TRPM3: variants seen among roughly 807,000 people sequenced by gnomAD.
TRPM3 encodes transient receptor potential cation channel subfamily M member 3, also known as long transient receptor potential channel 3.
In TRPM3, 77 loss-of-function variants were observed where a neutral mutation model predicts 181.2. The ratio of observed to expected loss-of-function variants is 0.42; its 90% CI spans 0.35 to 0.51. TRPM3 has a LOEUF of 0.51. Ranked by LOEUF, TRPM3 falls within the 20% of genes least tolerant of loss-of-function variation. The pLI is 0.01. For synonymous variants in TRPM3, 745 were observed against 796.4 expected (o/e 0.94, Z 1.09); for missense variants, 1,759 against 2,196.7 (o/e 0.80, Z 3.98).
At chr9:70,888,877 C>T (rs747413441) in intron 1 of TRPM3, among the ~76,000 whole-genome samples, 2 of 152,088 alleles carry the variant, frequency 1.3e-5, no homozygotes, top group African/African-American at 2.4e-5. Context: ...GCATTTATCT[C>T]GATTTCTCTC....
At chr9:71,024,276 TACC>T (rs2097872269) in intron 1 of TRPM3, among the ~76,000 whole-genome samples, 1 of 152,180 alleles carries the variant, frequency 6.6e-6, no homozygotes, top group Admixed American at 6.5e-5. Context: ...CACCTAGGCA[TACC>T]CATTGGGACA....
At position 70,701,107 on chromosome 9, in the gene TRPM3, G is replaced by C. The variant is rs564981028; in HGVS notation, c.1273-19529C>G. ...AATGAAGTGCTCTATAAATTTTCTAGTCAAGTATGGGTTATCCATTAATGC... is the reference window on the plus strand; with the variant it reads ...AATGAAGTGCTCTATAAATTTTCTACTCAAGTATGGGTTATCCATTAATGC... On this transcript the variant is annotated intron_variant, in intron 8 of 25. Coordinates refer to ENST00000677713, the MANE Select transcript of TRPM3 (RefSeq NM_001366145.2). Among the ~76,000 whole-genome samples, 3 of 152,246 alleles carry C rather than the reference G, an allele frequency of 2.0e-5. No individual in the cohort carries two copies. The South Asian group carries it at 6.2e-4, about 32-fold the overall frequency.
chr9:71,422,551 T>A (rs1221221140), intron 1 of TRPM3, among the ~76,000 whole-genome samples: 3 of 152,054 alleles, frequency 2.0e-5, no homozygotes, highest in Non-Finnish European at 1.5e-5. Context: ...TTTTACGAAA[T>A]GTAGTTTGAA....
rs538334180 is a variant in TRPM3, at chr9:70,681,668, T to C, written c.1273-90A>G. 4.4e-5 allele frequency: 47 copies of C among 1,071,126 alleles called. 1 individual carries two copies. In the African/African-American group the frequency reaches 7.0e-4, roughly 16 times the overall value. 66.4% of individuals were successfully genotyped at this position (1,071,126 alleles called of 1,614,324 possible). ...AGACCACATCTGAGCAGAGACTATC[T>C]CTATATCTACAAAGTAGATTCTTAA... is the stretch of plus-strand genomic sequence containing the variant. On this transcript the variant is annotated intron_variant, in intron 8 of 25. Coordinates refer to ENST00000677713, the MANE Select transcript of TRPM3 (RefSeq NM_001366145.2).
At chr9:70,648,106 A>T (rs984977714) in intron 9 of TRPM3, among the ~76,000 whole-genome samples, 1 of 152,232 alleles carries the variant, frequency 6.6e-6, no homozygotes, top group South Asian at 2.1e-4. Flanking sequence ...TATTGTTAAA[A>T]TGGCCATACT....
At chr9:71,291,803 AGT>A (rs1310845089) in intron 1 of TRPM3, among the ~76,000 whole-genome samples, 1 of 152,146 alleles carries the variant, frequency 6.6e-6, no homozygotes, top group Non-Finnish European at 1.5e-5. Context: ...AAACGACTTG[AGT>A]AACAGAATCA....
chr9:70,829,217 T>A (rs10868897), intron 5 of TRPM3, among the ~76,000 whole-genome samples: 41,577 of 152,080 alleles, frequency 0.27, 6,291 homozygotes, highest in Non-Finnish European at 0.33. Context: ...ACACACTATA[T>A]AAAGCTGTAG....
chr9:70,945,250 A>G (rs944787677), intron 1 of TRPM3, among the ~76,000 whole-genome samples: 3 of 152,080 alleles, frequency 2.0e-5, no homozygotes, highest in Non-Finnish European at 2.9e-5. Flanking sequence ...TTGTCTTATT[A>G]CCTTTTCGTA....
intron 1 of TRPM3, among the ~76,000 whole-genome samples, chr9:71,350,859 C>T (rs2091584469): frequency 6.6e-6 from 1 of 152,052 alleles, no homozygotes; most frequent in African/African-American, 2.4e-5. Context: ...TTTGAAAGAT[C>T]AATGGTAACT....
chr9:70,769,166 T>C (rs893754941), intron 7 of TRPM3, among the ~76,000 whole-genome samples: 2 of 152,154 alleles, frequency 1.3e-5, no homozygotes, highest in African/African-American at 4.8e-5. Context: ...CAAGATAACA[T>C]CTCTACTTGC....
At chr9:71,228,434 T>C in intron 1 of TRPM3, among the ~76,000 whole-genome samples, 1 of 152,130 alleles carries the variant, frequency 6.6e-6, no homozygotes, top group Non-Finnish European at 1.5e-5. Flanking sequence ...ATGTCCACTT[T>C]CACCACTGTT....
At chr9:71,224,221 A>G (rs112521560) in intron 1 of TRPM3, among the ~76,000 whole-genome samples, 16 of 152,348 alleles carry the variant, frequency 1.1e-4, no homozygotes, top group African/African-American at 3.8e-4. Flanking sequence ...GTTTGAGAGA[A>G]AGTAAGGGAA....
rs116430058 is a variant in TRPM3 at position 71,158,093 on chromosome 9, C to T, written c.183+288560G>A. On this transcript the variant is annotated intron_variant, in intron 1 of 24. Coordinates refer to the TRPM3 transcript ENST00000357533. The stretch of plus-strand genomic sequence containing the variant: ...ATTACATGCAATCTTAAAGTTGTGA[C>T]ATAGCTTAGACTATTAATCTTTGAT... 2.4e-3 allele frequency among the ~76,000 whole-genome samples: 362 copies of T among 152,204 alleles called. 3 individuals carry two copies. The highest frequency in any genetic ancestry group is 8.4e-3 in the African/African-American group (348 of 41,540).
intron 1 of TRPM3, among the ~76,000 whole-genome samples, chr9:71,261,519 C>T (rs902234175): frequency 2.1e-4 from 32 of 152,302 alleles, no homozygotes; most frequent in Admixed American, 1.8e-3. Flanking sequence ...ATTCGTCAAA[C>T]TATTTCTCCA....
At chr9:71,354,081 T>C (rs2091788118) in intron 1 of TRPM3, among the ~76,000 whole-genome samples, 2 of 152,292 alleles carry the variant, frequency 1.3e-5, no homozygotes, top group South Asian at 4.1e-4. Flanking sequence ...TCTCTGTTAT[T>C]TCCGTATGCT....
intron 1 of TRPM3, among the ~76,000 whole-genome samples, chr9:70,892,281 T>A (rs1249126449): frequency 6.6e-6 from 1 of 152,038 alleles, no homozygotes; most frequent in African/African-American, 2.4e-5. Flanking sequence ...ATATGTAATA[T>A]CATTCAGAAA....
chr9:71,032,408 G>A (rs2134708455), intron 1 of TRPM3, among the ~76,000 whole-genome samples: 1 of 151,196 alleles, frequency 6.6e-6, no homozygotes, highest in Admixed American at 6.6e-5. Flanking sequence ...ACCTGAAAAT[G>A]TATACATTTA....
At chr9:70,906,718 C>T (rs542824676) in intron 1 of TRPM3, among the ~76,000 whole-genome samples, 11 of 152,244 alleles carry the variant, frequency 7.2e-5, no homozygotes, top group Middle Eastern at 3.4e-3. Flanking sequence ...GCCTGGCCAA[C>T]GTGGTGAAAC....
At chr9:70,694,391 G>T (rs1367016200) in intron 8 of TRPM3, among the ~76,000 whole-genome samples, 2 of 152,106 alleles carry the variant, frequency 1.3e-5, no homozygotes, top group African/African-American at 4.8e-5. Flanking sequence ...TCAGCATTAG[G>T]GCATCTAATA....
Sources: gnomAD v4.1 joint callset for allele counts (sites outside exome capture counted in the v4.1 genomes callset) on GRCh38, gnomAD v4.1.1 for gene constraint, MANE v1.5 for transcripts, NCBI Gene and HGNC (gene_info 2026-07-23, HGNC 2026-07-21) for gene names.